IARS2: variants seen among roughly 807,000 people sequenced by gnomAD.
The protein encoded by IARS2 is isoleucyl-tRNA synthetase 2, mitochondrial.
Under a neutral mutation model 126.3 loss-of-function variants are expected in IARS2, and 56 were observed. The ratio of observed to expected loss-of-function variants is 0.44; its 90% CI spans 0.36 to 0.55. The LOEUF (loss-of-function observed/expected upper bound fraction) is 0.55, where lower values mean the gene tolerates loss of function less well. IARS2 is among the 20% of genes least tolerant of loss of function. The pLI is 0.00. For synonymous variants in IARS2, 407 were observed against 441.1 expected (o/e 0.92, Z 0.97); for missense variants, 1,127 against 1,245.9 (o/e 0.90, Z 1.44).
Position 220,136,906 on chromosome 1 carries a change from G to A in IARS2, c.2044G>A (p.Gly682Arg). The A allele has an allele frequency of 6.4e-7, 1 of 1,569,924 alleles. No individual in the cohort carries two copies. The highest frequency in any genetic ancestry group is 8.7e-7 in the Non-Finnish European group (1 of 1,144,392). ...VIHPDVVVNG[G>R]QDQSKEPPYG... ...TCATCCTGATGTTGTCGTTAATGGA[G>A]GACAAGTAGGTGATTCTCTAAAATG... Residue 682 changes from glycine (G) to arginine (R), a missense_variant, in exon 16 of 23, where the codon GGA becomes AGA. Gly to Arg is a moderately radical substitution (Grantham distance 125, BLOSUM62 -2). Coordinates refer to ENST00000366922, the MANE Select transcript of IARS2 (RefSeq NM_018060.4).
intron 2 of IARS2, among the ~76,000 whole-genome samples, chr1:220,097,576 G>A (rs1024432146): frequency 4.0e-5 from 6 of 151,726 alleles, no homozygotes; most frequent in Non-Finnish European, 8.8e-5. Flanking sequence ...TGTTAGCCAG[G>A]ATGGTCTCGA....
chr1:220,134,755 C>CTTTGTTGT (rs1328837392), intron 15 of IARS2: 1 of 244,110 alleles, frequency 4.1e-6, no homozygotes, highest in African/African-American at 2.3e-5. Flanking sequence ...TTATGTAGTT[C>CTTTGTTGT]TTTGTTGTTG....
intron 8 of IARS2, among the ~76,000 whole-genome samples, chr1:220,103,801 T>C (rs959336322): frequency 6.6e-6 from 1 of 152,174 alleles, no homozygotes; most frequent in African/African-American, 2.4e-5. Flanking sequence ...TATCCAGTAG[T>C]TACTTGGTAA....
intron 14 of IARS2, among the ~76,000 whole-genome samples, chr1:220,130,682 C>T (rs140923347): frequency 0.072 from 10,901 of 152,132 alleles, 521 homozygotes; most frequent in South Asian, 0.15. Context: ...CCCAGCCTCC[C>T]GAGTAGCTGG....
chr1:220,107,644 A>G (rs1398323354), intron 10 of IARS2, among the ~76,000 whole-genome samples: 1 of 152,140 alleles, frequency 6.6e-6, no homozygotes, highest in Non-Finnish European at 1.5e-5. Context: ...GACCTGATAT[A>G]TTACTTTTCT....
At position 220,094,132 on chromosome 1, in the gene IARS2, A is replaced by T. The variant is rs1656382920; in HGVS notation, c.-85A>T. ...GCTCCCGGAGCGCGTGCGCCCTCTT[A>T]CTCGGCTCCCCTTGGTTTCCTGGGG... On this transcript the variant is annotated 5_prime_UTR_variant, in exon 1 of 23. Transcript: ENST00000366922. 5.8e-6 allele frequency: 7 copies of T among 1,201,400 alleles called. No homozygotes were observed. Among genetic ancestry groups the T allele is most frequent in the Non-Finnish European group, 7.5e-6 (7 of 938,520 alleles). 74.4% of individuals were successfully genotyped at this position (1,201,400 alleles called of 1,614,324 possible).
rs756411918 is a variant in IARS2 at position 220,094,192 on chromosome 1, C to A, written c.-25C>A. The A allele has an allele frequency of 2.6e-6, 4 of 1,530,926 alleles. No individual in the cohort carries two copies. The highest frequency in any genetic ancestry group is 2.6e-6 in the Non-Finnish European group (3 of 1,143,564). 94.8% of individuals were successfully genotyped at this position (1,530,926 alleles called of 1,614,324 possible). On this transcript the variant is annotated 5_prime_UTR_variant, in exon 1 of 23. Transcript: ENST00000366922. ...TTCAAGCTGGGGCGGGAGCGGAGGA[C>A]CCCGCTCTCAGGGGTTGCCGGACCA... is the stretch of plus-strand genomic sequence containing the variant.
intron 12 of IARS2, among the ~76,000 whole-genome samples, chr1:220,120,943 C>T (rs1657039698): frequency 6.6e-6 from 1 of 151,988 alleles, no homozygotes; most frequent in Admixed American, 6.5e-5. Flanking sequence ...TCATAATTCA[C>T]AATATAAAGT....
At chr1:220,123,836 A>G (rs1657100363) in intron 12 of IARS2, among the ~76,000 whole-genome samples, 2 of 152,190 alleles carry the variant, frequency 1.3e-5, no homozygotes, top group South Asian at 4.1e-4. Context: ...TTTTTGGTAA[A>G]CACTTCATTT....
chr1:220,111,335 T>G (rs1188299772), intron 11 of IARS2, among the ~76,000 whole-genome samples: 1 of 152,122 alleles, frequency 6.6e-6, no homozygotes, highest in African/African-American at 2.4e-5. Context: ...CAGAATATGG[T>G]CTGATACATA....
chr1:220,110,784 A>G lies in IARS2; in HGVS notation c.1328-2A>G. The G allele has an allele frequency of 6.4e-7, 1 of 1,574,280 alleles. No individual in the cohort carries two copies. Among genetic ancestry groups the G allele is most frequent in the Non-Finnish European group, 8.6e-7 (1 of 1,161,672 alleles). ...TCTAATTTGGTGTTTTTTTTTTTAA[A>G]GTTATAAAGATGCTTCAGACTGCAA... is the stretch of plus-strand genomic sequence containing the variant. On this transcript the variant is annotated splice_acceptor_variant, in intron 10 of 22. Transcript: ENST00000366922. LOFTEE classifies it high-confidence loss of function.
At position 220,148,032 on chromosome 1, in the gene IARS2, T is replaced by C. The variant is rs893329929; in HGVS notation, c.*397T>C. 3 of 373,138 alleles carry C rather than the reference T, an allele frequency of 8.0e-6. No individual in the cohort carries two copies. Among genetic ancestry groups the C allele is most frequent in the Non-Finnish European group, 9.6e-6 (2 of 209,334 alleles). 23.1% of individuals were successfully genotyped at this position (373,138 alleles called of 1,614,324 possible). A position where few individuals can be genotyped will look rare whatever the true frequency, so the allele number is the denominator to read the frequency against. On this transcript the variant is annotated 3_prime_UTR_variant, in exon 23 of 23. Transcript: ENST00000366922. ...TATGATACTGAAAATAAAGGCATTCTGGAAAAATACTGACTGATTTTGGTG... is the reference window on the plus strand; with the variant it reads ...TATGATACTGAAAATAAAGGCATTCCGGAAAAATACTGACTGATTTTGGTG...
intron 11 of IARS2, among the ~76,000 whole-genome samples, chr1:220,113,683 C>T (rs1019351592): frequency 9.0e-5 from 13 of 143,846 alleles, no homozygotes; most frequent in African/African-American, 3.0e-4. Flanking sequence ...CTTGCTCTGT[C>T]GCCCAGGTTG....
In IARS2 at chr1:220,140,711, G is replaced by A. The variant is rs371423054; in HGVS notation, c.2414+422G>A. On this transcript the variant is annotated intron_variant, in intron 19 of 22. Transcript: ENST00000366922. ...ATTAAGATTGGGTTCCGGGCCAGGCGTGGTGCCTCACGCCTGTAATCCCAG... is the reference window on the plus strand; with the variant it reads ...ATTAAGATTGGGTTCCGGGCCAGGCATGGTGCCTCACGCCTGTAATCCCAG... 1.8e-4 allele frequency among the ~76,000 whole-genome samples: 27 copies of A among 151,776 alleles called. 2 individuals are homozygous for A. The South Asian group carries it at 3.1e-3, about 18-fold the overall frequency.
intron 7 of IARS2, 83 bp from the exon 8 acceptor site, chr1:220,103,364 A>G (rs1237353822): frequency 1.1e-5 from 10 of 913,758 alleles, no homozygotes; most frequent in Non-Finnish European, 1.7e-6. Flanking sequence ...AGTTTTTTCT[A>G]AAATGATTAT....
At chr1:220,134,366 T>C (rs1351625238) in intron 14 of IARS2, 36 bp from the exon 15 acceptor site, 1 of 1,390,856 alleles carries the variant, frequency 7.2e-7, no homozygotes, top group Non-Finnish European at 9.9e-7. Context: ...AACTTAAATT[T>C]CTGGGTTTTT....
intron 11 of IARS2, among the ~76,000 whole-genome samples, chr1:220,111,598 A>ATATATATATATATGTGTGTG (rs374024744): frequency 1.5e-5 from 2 of 134,858 alleles, no homozygotes; most frequent in African/African-American, 5.5e-5. Flanking sequence ...ATATATATAT[A>ATATATATATATATGTGTGTG]TGTGTGTGTG....
intron 12 of IARS2, among the ~76,000 whole-genome samples, chr1:220,117,389 G>A (rs962827966): frequency 6.6e-5 from 10 of 151,376 alleles, no homozygotes; most frequent in African/African-American, 2.2e-4. Context: ...TAGTAGAGAC[G>A]GGGTTTCTCC....
Position 220,145,546 on chromosome 1 carries a change from T to G in IARS2, c.2789T>G (p.Leu930Trp). 4.3e-6 allele frequency: 7 copies of G among 1,613,592 alleles called. No individual in the cohort carries two copies. Among genetic ancestry groups the G allele is most frequent in the Non-Finnish European group, 5.9e-6 (7 of 1,179,648 alleles). The part of the protein sequence containing the change: ...QSEETSSTSQ[L>W]NELMMASEST... ...GAAGAGACTTCCAGCACCTCTCAGT[T>G]GAATGAATTAATGATGGCTTCTGAG... Residue 930 changes from leucine to tryptophan, a missense_variant, in exon 22 of 23, where the codon TTG becomes TGG. Physicochemically the swap from Leu to Trp is moderately conservative, Grantham distance 61. Coordinates refer to ENST00000366922, the MANE Select transcript of IARS2 (RefSeq NM_018060.4).
Sources: allele counts gnomAD v4.1 joint callset (sites outside exome capture counted in the v4.1 genomes callset), GRCh38; gene constraint gnomAD v4.1.1; transcripts MANE v1.5; gene names NCBI Gene and HGNC (gene_info 2026-07-23, HGNC 2026-07-21).